PATJ: variants seen among roughly 807,000 people sequenced by gnomAD.
PATJ encodes inaD-like protein.
In PATJ, 190 loss-of-function variants were observed where a neutral mutation model predicts 224.9. The observed-to-expected ratio is 0.84, with a 90% CI of 0.75 to 0.95. The LOEUF (loss-of-function observed/expected upper bound fraction) is 0.95, where lower values mean the gene tolerates loss of function less well. Ranked by LOEUF, PATJ falls within the 40% of genes least tolerant of loss-of-function variation. The probability of loss-of-function intolerance (pLI) is 0.00; values close to 1 mark genes in which losing one functional copy is unlikely to be tolerated. For synonymous variants in PATJ, 769 were observed against 820.3 expected (o/e 0.94, Z 1.07); for missense variants, 2,121 against 2,270.3 (o/e 0.93, Z 1.34).
At chr1:62,006,196 C>T (rs1013435528) in intron 28 of PATJ, among the ~76,000 whole-genome samples, 1 of 152,158 alleles carries the variant, frequency 6.6e-6, no homozygotes, top group Non-Finnish European at 1.5e-5. Context: ...CTCTCTGCAA[C>T]CTCCATCTCC....
At chr1:61,847,845 G>A (rs55902083) in intron 17 of PATJ, among the ~76,000 whole-genome samples, 4,999 of 152,276 alleles carry the variant, frequency 0.033, 122 homozygotes, top group Middle Eastern at 0.051. Context: ...TCCTGACATG[G>A]CTTCTGTTGC....
At chr1:62,098,750 G>A (rs550014643) in intron 33 of PATJ, among the ~76,000 whole-genome samples, 157 of 152,212 alleles carry the variant, frequency 1.0e-3, no homozygotes, top group African/African-American at 3.7e-3. Context: ...ACAGACTACT[G>A]CACATTTTTT....
At chr1:61,822,807 C>G (rs1222859457) in intron 14 of PATJ, 138 bp from the exon 15 acceptor site, 7 of 954,766 alleles carry the variant, frequency 7.3e-6, no homozygotes, top group African/African-American at 1.6e-5. Flanking sequence ...GCTAATTTTC[C>G]TATTATTGTC....
chr1:61,923,418 G>A (rs139202444), intron 26 of PATJ, among the ~76,000 whole-genome samples: 64 of 152,278 alleles, frequency 4.2e-4, no homozygotes, highest in African/African-American at 1.4e-3. Flanking sequence ...TGCTTTGGGA[G>A]CGTACTCTTT....
intron 29 of PATJ, among the ~76,000 whole-genome samples, chr1:62,030,940 C>A (rs1649148485): frequency 6.6e-6 from 1 of 152,022 alleles, no homozygotes; most frequent in African/African-American, 2.4e-5. Context: ...TGGGTTGTTT[C>A]CAGTTTTTAG....
At chr1:62,155,963 C>T (rs899446532) in intron 43 of PATJ, among the ~76,000 whole-genome samples, 1 of 138,326 alleles carries the variant, frequency 7.2e-6, no homozygotes, top group Non-Finnish European at 1.5e-5. Flanking sequence ...GAGGCTGAGG[C>T]AGGAGAATGG....
chr1:62,023,865 G>A (rs1275765110), intron 29 of PATJ, among the ~76,000 whole-genome samples: 2 of 152,138 alleles, frequency 1.3e-5, no homozygotes, highest in Non-Finnish European at 2.9e-5. Flanking sequence ...ATTTTGAGGT[G>A]TTCCTTTAAT....
intron 31 of PATJ, chr1:62,054,374 A>AT: frequency 2.3e-6 from 1 of 442,966 alleles, no homozygotes; most frequent in Non-Finnish European, 4.5e-6. Flanking sequence ...AAAAAAAAAA[A>AT]AGTTATTTTC....
At chr1:61,902,194 G>A (rs886303482) in intron 24 of PATJ, among the ~76,000 whole-genome samples, 7 of 150,988 alleles carry the variant, frequency 4.6e-5, no homozygotes, top group Non-Finnish European at 8.8e-5. Flanking sequence ...CTCCAGCCTG[G>A]GTGACAGAAC....
chr1:62,116,787 T>TAAAAACTAGAG, intron 36 of PATJ, 108 bp downstream of exon 36: 2 of 1,024,056 alleles, frequency 2.0e-6, no homozygotes, highest in Non-Finnish European at 2.8e-6. Context: ...CTAACTCTAG[T>TAAAAACTAGAG]TTTTACTAGA....
Position 62,006,635 on chromosome 1 carries a change from T to C in PATJ, c.3868-11221T>C, listed in dbSNP as rs371469440. Among the ~76,000 whole-genome samples the C allele has an allele frequency of 3.9e-5, 6 of 152,242 alleles. No individual in the cohort carries two copies. In the East Asian group the frequency reaches 7.7e-4, roughly 20 times the overall value. On this transcript the variant is annotated intron_variant, in intron 28 of 43. Coordinates refer to ENST00000642238, the MANE Select transcript of PATJ (RefSeq NM_001350145.3). ...CCTAATTCTACTTCTGCTAGGTTAA[T>C]GTTATAACTAAGTATCCCATCTCTG...
intron 26 of PATJ, among the ~76,000 whole-genome samples, chr1:61,922,193 C>T (rs908833126): frequency 1.4e-4 from 21 of 152,062 alleles, no homozygotes; most frequent in African/African-American, 5.1e-4. Flanking sequence ...CAGGTGCACA[C>T]CACCACACCT....
intron 24 of PATJ, among the ~76,000 whole-genome samples, chr1:61,901,896 C>T (rs1353367559): frequency 2.6e-5 from 4 of 152,040 alleles, no homozygotes; most frequent in Admixed American, 6.6e-5. Flanking sequence ...ATCCATGATT[C>T]GCACCGGATA....
In PATJ at chr1:62,128,034, C is replaced by G; in HGVS notation, c.5106C>G (p.Ile1702Met). The G allele has an allele frequency of 6.2e-7, 1 of 1,613,996 alleles. No homozygotes were observed. Among genetic ancestry groups the G allele is most frequent in the Non-Finnish European group, 8.5e-7 (1 of 1,179,902 alleles). Residue 1702 changes from isoleucine to methionine, a missense_variant, in exon 40 of 44, where the codon ATC (isoleucine) becomes ATG (methionine). Physicochemically the swap from Ile to Met is conservative, Grantham distance 10 (BLOSUM62 1). Transcript: ENST00000642238. ...AGGRGSPLGD[I>M]PVFIAMIQAS... Reference sequence around the variant, plus strand: ...GAAGAGGAAGTCCCTTAGGAGATATCCCCGTATTTATTGCCATGATTCAGG... The same window carrying G: ...GAAGAGGAAGTCCCTTAGGAGATATGCCCGTATTTATTGCCATGATTCAGG...
chr1:61,969,496 A>T (rs976488961), intron 27 of PATJ, among the ~76,000 whole-genome samples: 4 of 152,198 alleles, frequency 2.6e-5, no homozygotes, highest in African/African-American at 9.6e-5. Context: ...TCACATGCTT[A>T]TTGGCTATTT....
intron 33 of PATJ, among the ~76,000 whole-genome samples, chr1:62,099,347 C>CTTTTTTTTTTTTTTTTTTTTTTTTT (rs71050197): frequency 9.0e-5 from 5 of 55,676 alleles, no homozygotes; most frequent in African/African-American, 2.3e-4. Context: ...ATATCTCCAA[C>CTTTTTTTTTTTTTTTTTTTTTTTTT]TTTTTTTTTT....
chr1:61,927,457 A>G (rs1233681023), intron 26 of PATJ, among the ~76,000 whole-genome samples: 1 of 152,216 alleles, frequency 6.6e-6, no homozygotes, highest in South Asian at 2.1e-4. Flanking sequence ...CTCACTAGAG[A>G]AAGAATGCAC....
intron 34 of PATJ, among the ~76,000 whole-genome samples, chr1:62,112,588 C>T (rs1663975370): frequency 6.6e-6 from 1 of 152,208 alleles, no homozygotes; most frequent in African/African-American, 2.4e-5. Context: ...CCTGACCTTC[C>T]AGTAGCACAC....
At chr1:61,965,933 G>C (rs1032246841) in intron 27 of PATJ, among the ~76,000 whole-genome samples, 1 of 152,096 alleles carries the variant, frequency 6.6e-6, no homozygotes, top group African/African-American at 2.4e-5. Context: ...GTGGAGCCTC[G>C]CTCTGTCTCC....
Sources: gnomAD v4.1 joint callset for allele counts (sites outside exome capture counted in the v4.1 genomes callset) on GRCh38, gnomAD v4.1.1 for gene constraint, MANE v1.5 for transcripts, NCBI Gene and HGNC (gene_info 2026-07-23, HGNC 2026-07-21) for gene names.